SVIL: variants seen among roughly 807,000 people sequenced by gnomAD.
The protein encoded by SVIL is supervillin.
Under a neutral mutation model 240.4 loss-of-function variants are expected in SVIL, and 101 were observed. That is an observed-to-expected ratio of 0.42 (90% confidence interval 0.36 to 0.50). The LOEUF is 0.50. Ranked by LOEUF, SVIL falls within the 20% of genes least tolerant of loss-of-function variation. The pLI, the probability that SVIL is intolerant of heterozygous loss-of-function variation, is 0.01. For missense variants in SVIL, 2,512 were observed against 2,818.7 expected (o/e 0.89, Z 2.46); for synonymous variants, 999 against 1,100.0 (o/e 0.91, Z 1.82).
intron 1 of SVIL, among the ~76,000 whole-genome samples, chr10:29,603,286 TTTC>T (rs927399777): frequency 1.3e-5 from 2 of 151,802 alleles, no homozygotes; most frequent in Non-Finnish European, 2.9e-5. Flanking sequence ...TTTCCAACCC[TTTC>T]TTCTTTATAA....
chr10:29,510,456 C>G (rs867795905), intron 17 of SVIL, among the ~76,000 whole-genome samples: 1 of 150,820 alleles, frequency 6.6e-6, no homozygotes, highest in Non-Finnish European at 1.5e-5. Context: ...CTAGAGTCCC[C>G]TCTCTTTCCT....
chr10:29,705,455 T>A (rs549786570), intron 1 of SVIL, among the ~76,000 whole-genome samples: 1 of 152,112 alleles, frequency 6.6e-6, no homozygotes, highest in South Asian at 2.1e-4. Context: ...GGAGGGAGAA[T>A]ATAGACTGTT....
At chr10:29,686,716 A>G (rs554603067) in intron 1 of SVIL, 1 of 152,332 alleles carries the variant, frequency 6.6e-6, no homozygotes, top group Admixed American at 6.5e-5. Context: ...ATATATACTT[A>G]AATGAAATGG....
chr10:29,717,397 T>C (rs1963696626), intron 1 of SVIL, among the ~76,000 whole-genome samples: 1 of 152,048 alleles, frequency 6.6e-6, no homozygotes, highest in African/African-American at 2.4e-5. Context: ...TATGTCAAAA[T>C]TGACATTTTT....
At chr10:29,576,280 T>C (rs1236877782) in intron 1 of SVIL, among the ~76,000 whole-genome samples, 1 of 152,118 alleles carries the variant, frequency 6.6e-6, no homozygotes, top group Non-Finnish European at 1.5e-5. Flanking sequence ...GCATACTTGA[T>C]GGGATCTGCA....
At position 29,526,944 on chromosome 10, in the gene SVIL, C is replaced by T; in HGVS notation, c.2342+17G>A. 1 of 1,555,202 alleles carries T rather than the reference C, an allele frequency of 6.4e-7. No individual in the cohort carries two copies. ...CCTTTGCACCGGGTGCCGCATGCAT[C>T]TGTATCTGTCCAGTACCTGGCAGGC... On this transcript the variant is annotated intron_variant, in intron 13 of 37. Coordinates refer to ENST00000355867, the MANE Select transcript of SVIL (RefSeq NM_021738.3).
At chr10:29,651,225 T>G (rs1456023022) in intron 3 of SVIL, among the ~76,000 whole-genome samples, 1 of 152,006 alleles carries the variant, frequency 6.6e-6, no homozygotes, top group Non-Finnish European at 1.5e-5. Context: ...AGACACGACC[T>G]CCAAACCCAA....
chr10:29,484,886 A>G lies in SVIL; in HGVS notation c.4780-55T>C. The G allele has an allele frequency of 6.5e-7, 1 of 1,531,302 alleles. No homozygotes were observed. Among genetic ancestry groups the G allele is most frequent in the Non-Finnish European group, 8.9e-7 (1 of 1,129,358 alleles). The allele number at this position is 1,531,302 out of a possible 1,614,324, so 94.9% of individuals were successfully genotyped here. On this transcript the variant is annotated intron_variant, in intron 26 of 37. Transcript: ENST00000355867. This position sits in a 1 kb window ranked among gnomAD's most constrained non-coding sequence, Gnocchi z 4.7. ...AACTTCAAGAACATGCAACAGTTGAATCAGGTGCAACAGGGTCTCTTGTTG... is the reference window on the plus strand; with the variant it reads ...AACTTCAAGAACATGCAACAGTTGAGTCAGGTGCAACAGGGTCTCTTGTTG...
chr10:29,583,591 C>T (rs28558137), intron 1 of SVIL, among the ~76,000 whole-genome samples: 4,691 of 152,262 alleles, frequency 0.031, 234 homozygotes, highest in African/African-American at 0.11. Context: ...TGAACCACTG[C>T]ACCCGGCCTC....
chr10:29,702,626 G>GA (rs1962606825), intron 1 of SVIL, among the ~76,000 whole-genome samples: 1 of 152,162 alleles, frequency 6.6e-6, no homozygotes, highest in Non-Finnish European at 1.5e-5. Context: ...CTGTCCTTTG[G>GA]AAACCCTAAC....
chr10:29,593,114 T>C (rs1201736001), intron 1 of SVIL, among the ~76,000 whole-genome samples: 1 of 152,262 alleles, frequency 6.6e-6, no homozygotes, highest in East Asian at 1.9e-4. Context: ...AATTTTTTGA[T>C]AGCAGCCACA....
intron 17 of SVIL, chr10:29,507,738 T>C (rs1949487854): frequency 2.0e-6 from 2 of 984,924 alleles, no homozygotes; most frequent in Non-Finnish European, 2.4e-6. Flanking sequence ...TTTCCTCACC[T>C]GATTAATCGA....
intron 36 of SVIL, among the ~76,000 whole-genome samples, chr10:29,459,844 A>C (rs1048314752): frequency 1.6e-4 from 25 of 152,110 alleles, no homozygotes; most frequent in Non-Finnish European, 3.5e-4. Flanking sequence ...TAATCTCAAC[A>C]CTGTAGGAGG....
intron 1 of SVIL, among the ~76,000 whole-genome samples, chr10:29,704,896 C>T (rs1278221713): frequency 6.6e-6 from 1 of 152,150 alleles, no homozygotes. Flanking sequence ...CAGGGAACTC[C>T]TTTAACTCCT....
chr10:29,626,751 G>T lies in SVIL; in HGVS notation c.-201+7669C>A, dbSNP rs569063886. 9.2e-5 allele frequency among the ~76,000 whole-genome samples: 14 copies of T among 152,336 alleles called. No homozygotes were observed. The South Asian group carries it at 2.1e-3, about 23-fold the overall frequency. On this transcript the variant is annotated intron_variant, in intron 1 of 37. Coordinates refer to ENST00000355867, the MANE Select transcript of SVIL (RefSeq NM_021738.3). ...TCCAAAATAAAGAATCAGGCTGGGC[G>T]CGGTGGCTCAGGCCTGTAATCCTAG...
At chr10:29,605,372 TC>T (rs1956982040) in intron 1 of SVIL, among the ~76,000 whole-genome samples, 1 of 152,148 alleles carries the variant, frequency 6.6e-6, no homozygotes, top group African/African-American at 2.4e-5. Context: ...GGTTCCCGTC[TC>T]CCCCCAGCCT....
At chr10:29,694,913 G>C (rs1163897036) in intron 1 of SVIL, among the ~76,000 whole-genome samples, 1 of 152,202 alleles carries the variant, frequency 6.6e-6, no homozygotes, top group Non-Finnish European at 1.5e-5. Flanking sequence ...GAATTCCTAA[G>C]GAAAGGCAGC....
chr10:29,569,443 T>A (rs1955269477), intron 1 of SVIL, 131 bp from the exon 2 acceptor site: 2 of 285,134 alleles, frequency 7.0e-6, no homozygotes, highest in Non-Finnish European at 1.1e-5. Context: ...AGACAAAAAA[T>A]AGAAATACAA....
chr10:29,599,509 G>A lies in SVIL; in HGVS notation c.-200-30197C>T, dbSNP rs541249146. On this transcript the variant is annotated intron_variant, in intron 1 of 37. Transcript: ENST00000355867. ...CAGCTCACTGCAACCTCTGCTTCCC[G>A]GGTTCAAGTGGTTCTTGTGCCTCAG... Among the ~76,000 whole-genome samples the A allele has an allele frequency of 2.6e-5, 4 of 152,008 alleles. No individual in the cohort carries two copies. The South Asian group carries it at 6.2e-4, about 24-fold the overall frequency.
Sources: allele counts gnomAD v4.1 joint callset (sites outside exome capture counted in the v4.1 genomes callset), GRCh38; gene constraint gnomAD v4.1.1; non-coding constraint Gnocchi (gnomAD v3.1); transcripts MANE v1.5; gene names NCBI Gene and HGNC (gene_info 2026-07-23, HGNC 2026-07-21).